SBF2: variants seen among roughly 807,000 people sequenced by gnomAD.
SBF2 encodes the protein SET binding factor 2, also known as myotubularin-related protein 13.
Under a neutral mutation model 225.2 loss-of-function variants are expected in SBF2, and 112 were observed. That is an observed-to-expected ratio of 0.50 (90% CI 0.43 to 0.58). The LOEUF (loss-of-function observed/expected upper bound fraction) is 0.58, where lower values mean the gene tolerates loss of function less well. Among genes scored for constraint, SBF2 ranks in the 20% least tolerant of loss-of-function variants. The pLI, the probability that SBF2 is intolerant of heterozygous loss-of-function variation, is 0.00. For missense variants in SBF2, 1,996 were observed against 2,206.2 expected, an observed-to-expected ratio of 0.90 and a Z score of 1.91; for synonymous variants, 763 against 773.3, an observed-to-expected ratio of 0.99 and a Z score of 0.22.
At chr11:10,182,750 GTTGTTGTTA>G (rs201978902) in intron 2 of SBF2, among the ~76,000 whole-genome samples, 3,125 of 151,242 alleles carry the variant, frequency 0.021, 82 homozygotes, top group African/African-American at 0.062. Context: ...TGTTGTTGTT[GTTGTTGTTA>G]TTGTTTGTTT....
At chr11:9,913,182 G>A (rs889836290) in intron 16 of SBF2, among the ~76,000 whole-genome samples, 2 of 152,158 alleles carry the variant, frequency 1.3e-5, no homozygotes, top group Non-Finnish European at 2.9e-5. Context: ...TATTCAGGAG[G>A]TTGAGGTGGG....
At chr11:10,088,230 G>T (rs1951652921) in intron 2 of SBF2, among the ~76,000 whole-genome samples, 1 of 151,910 alleles carries the variant, frequency 6.6e-6, no homozygotes, top group African/African-American at 2.4e-5. Flanking sequence ...TTGCCATGTT[G>T]CCCAGGCTGG....
intron 2 of SBF2, among the ~76,000 whole-genome samples, chr11:10,106,303 G>A (rs1284533098): frequency 6.6e-6 from 1 of 152,090 alleles, no homozygotes; most frequent in African/African-American, 2.4e-5. Context: ...TGCTACAGGG[G>A]TAAGGCAATA....
intron 28 of SBF2, chr11:9,828,625 CATG>C (rs1385325789): frequency 1.0e-6 from 1 of 985,262 alleles, no homozygotes; most frequent in Non-Finnish European, 1.2e-6. Flanking sequence ...GGTTCCATCA[CATG>C]ATAACTGAAA....
intron 14 of SBF2, among the ~76,000 whole-genome samples, chr11:9,964,860 G>A (rs1866795932): frequency 6.6e-6 from 1 of 152,114 alleles, no homozygotes; most frequent in African/African-American, 2.4e-5. Flanking sequence ...TTTAAATGAG[G>A]TAGTATCAAT....
chr11:10,227,981 T>A (rs1418695808), intron 1 of SBF2, among the ~76,000 whole-genome samples: 2 of 151,472 alleles, frequency 1.3e-5, no homozygotes, highest in Non-Finnish European at 2.9e-5. Flanking sequence ...TTTGTTTGTA[T>A]CCTCTTTTAT....
At chr11:10,266,815 G>A (rs1023616019) in intron 1 of SBF2, among the ~76,000 whole-genome samples, 4 of 152,218 alleles carry the variant, frequency 2.6e-5, no homozygotes, top group South Asian at 2.1e-4. Flanking sequence ...GGGTCCGGGC[G>A]TGGTTGCTCA....
intron 2 of SBF2, among the ~76,000 whole-genome samples, chr11:10,172,541 C>T (rs746680691): frequency 1.3e-4 from 19 of 151,946 alleles, no homozygotes; most frequent in African/African-American, 4.1e-4. Context: ...TTAGTAGAGA[C>T]GGGGTTTCAC....
chr11:10,116,457 A>G (rs1016566475), intron 2 of SBF2, among the ~76,000 whole-genome samples: 1 of 152,204 alleles, frequency 6.6e-6, no homozygotes, highest in African/African-American at 2.4e-5. Context: ...ATGCATCAGA[A>G]AAAACTCAAG....
At chr11:9,839,283 A>G in intron 26 of SBF2, 1 of 579,644 alleles carries the variant, frequency 1.7e-6, no homozygotes. Context: ...GGGGGTGAGT[A>G]CTTTACCTTT....
intron 26 of SBF2, among the ~76,000 whole-genome samples, chr11:9,835,384 C>T (rs1418040682): frequency 6.6e-6 from 1 of 151,822 alleles, no homozygotes; most frequent in Non-Finnish European, 1.5e-5. Context: ...TTTGGGAGGC[C>T]CAGCTGGGAG....
chr11:9,931,200 A>G (rs1864473509), intron 16 of SBF2, among the ~76,000 whole-genome samples: 1 of 152,254 alleles, frequency 6.6e-6, no homozygotes, highest in South Asian at 2.1e-4. Context: ...AACGCAGCAG[A>G]CAGCTTCTGC....
chr11:10,158,110 A>C (rs1955560301), intron 2 of SBF2, among the ~76,000 whole-genome samples: 1 of 152,176 alleles, frequency 6.6e-6, no homozygotes, highest in African/African-American at 2.4e-5. Context: ...AATAAACTAA[A>C]AGAGAAGTAA....
intron 2 of SBF2, among the ~76,000 whole-genome samples, chr11:10,052,880 C>A (rs982284609): frequency 1.3e-5 from 2 of 152,128 alleles, no homozygotes; most frequent in Non-Finnish European, 2.9e-5. Flanking sequence ...CTTCATAAAT[C>A]ACCTTATGCA....
chr11:10,084,236 C>T (rs991055531), intron 2 of SBF2, among the ~76,000 whole-genome samples: 1 of 151,772 alleles, frequency 6.6e-6, no homozygotes, highest in African/African-American at 2.4e-5. Flanking sequence ...CACATGTATC[C>T]TGGAACTTTT....
At chr11:9,790,953 A>T in intron 33 of SBF2, 1 of 302,828 alleles carries the variant, frequency 3.3e-6, no homozygotes, top group South Asian at 3.8e-5. Context: ...TCCAACCCTC[A>T]TCCTGCATCT....
chr11:10,136,789 T>C (rs1954377526), intron 2 of SBF2, among the ~76,000 whole-genome samples: 1 of 152,248 alleles, frequency 6.6e-6, no homozygotes, highest in African/African-American at 2.4e-5. Context: ...GCATTTGATA[T>C]AAGAAGTGTT....
At chr11:10,171,013 T>C (rs1173375767) in intron 2 of SBF2, among the ~76,000 whole-genome samples, 5 of 150,926 alleles carry the variant, frequency 3.3e-5, no homozygotes, top group African/African-American at 1.2e-4. Context: ...TTATTCAATT[T>C]GTTCATCAGT....
chr11:10,003,797 C>T lies in SBF2; in HGVS notation c.620-1108G>A, dbSNP rs373163972. On this transcript the variant is annotated intron_variant, in intron 6 of 39. Transcript: ENST00000256190. ...TTTTTAGTGGCAACTCTAGAAAATA[C>T]GATATACATACTTATGAAATTGAAG... 5.9e-5 allele frequency among the ~76,000 whole-genome samples: 9 copies of T among 151,950 alleles called. No homozygotes were observed. The South Asian group carries it at 6.2e-4, about 11-fold the overall frequency.
Sources: allele counts gnomAD v4.1 joint callset (sites outside exome capture counted in the v4.1 genomes callset), GRCh38; gene constraint gnomAD v4.1.1; transcripts MANE v1.5; gene names NCBI Gene and HGNC (gene_info 2026-07-23, HGNC 2026-07-21).